The following TBC1D30 variants were observed in gnomAD, a reference collection of about 807,000 sequenced individuals.
TBC1D30 encodes TBC1 domain family member 30.
A neutral mutation model predicts 63.2 loss-of-function variants in TBC1D30; 31 were observed. The ratio of observed to expected loss-of-function variants is 0.49; its 90% CI spans 0.37 to 0.66. The LOEUF (loss-of-function observed/expected upper bound fraction) is 0.66. Ranked by LOEUF, TBC1D30 falls within the 30% of genes least tolerant of loss-of-function variation. The pLI is 0.00. For missense variants in TBC1D30, 810 were observed against 953.6 expected (o/e 0.85, Z 1.98); for synonymous variants, 307 against 361.5 (o/e 0.85, Z 1.71).
At chr12:64,864,918 T>C in intron 9 of TBC1D30, 138 bp downstream of exon 9, 1 of 642,240 alleles carries the variant, frequency 1.6e-6, no homozygotes, top group East Asian at 2.8e-5. Flanking sequence ...CCTTTCCAAA[T>C]GGTTTTGATT....
At chr12:64,797,124 C>T (rs1378977935) in intron 2 of TBC1D30, among the ~76,000 whole-genome samples, 1 of 151,336 alleles carries the variant, frequency 6.6e-6, no homozygotes, top group East Asian at 1.9e-4. Flanking sequence ...GCTATTAATG[C>T]CTGGCTCCCC....
intron 1 of TBC1D30, among the ~76,000 whole-genome samples, chr12:64,825,855 C>CT: frequency 6.6e-6 from 1 of 152,180 alleles, no homozygotes; most frequent in Non-Finnish European, 1.5e-5. Context: ...GTGGCACCGG[C>CT]TGCGTTCCAG....
intron 8 of TBC1D30, among the ~76,000 whole-genome samples, chr12:64,846,283 T>A (rs1055331811): frequency 5.3e-5 from 8 of 152,244 alleles, no homozygotes; most frequent in Non-Finnish European, 2.9e-5. Context: ...CCCACTCCAA[T>A]GTTTTGTAGA....
chr12:64,823,111 CTTAA>C (rs975282308), upstream of TBC1D30, among the ~76,000 whole-genome samples: 5 of 151,952 alleles, frequency 3.3e-5, no homozygotes, highest in South Asian at 2.1e-4. Flanking sequence ...TTAAAGAAAA[CTTAA>C]TTACTTTGGT....
At chr12:64,799,801 G>A (rs893276870) in intron 2 of TBC1D30, among the ~76,000 whole-genome samples, 6 of 152,180 alleles carry the variant, frequency 3.9e-5, no homozygotes, top group African/African-American at 1.4e-4. Flanking sequence ...ACATGGGGAA[G>A]TGCGATTAGA....
chr12:64,843,646 C>T (rs530736150), intron 8 of TBC1D30, among the ~76,000 whole-genome samples, 161 bp downstream of exon 8: 3 of 152,230 alleles, frequency 2.0e-5, no homozygotes, highest in Admixed American at 2.0e-4. Context: ...GAATCTATGT[C>T]ATAGAAGGAA....
At position 64,847,334 on chromosome 12, in the gene TBC1D30, A is replaced by G. The variant is rs184557501; in HGVS notation, c.1038+3849A>G. On this transcript the variant is annotated intron_variant, in intron 8 of 11. Transcript: ENST00000539867. Reference sequence around the variant, plus strand: ...TTTATATATCTTTTCAAAAAAACCAACTTTTCATTTCTTTAATCTTTTGTA... The same window carrying G: ...TTTATATATCTTTTCAAAAAAACCAGCTTTTCATTTCTTTAATCTTTTGTA... 1.8e-3 allele frequency among the ~76,000 whole-genome samples: 274 copies of G among 151,718 alleles called. 1 individual carries two copies. Among genetic ancestry groups the G allele is most frequent in the African/African-American group, 6.5e-3 (269 of 41,426 alleles).
In TBC1D30 at chr12:64,878,165, A is replaced by C; in HGVS notation, c.*2377A>C. The C allele has an allele frequency of 9.7e-6, 2 of 206,610 alleles. No individual in the cohort carries two copies. Among genetic ancestry groups the C allele is most frequent in the East Asian group, 2.2e-4 (2 of 8,948 alleles). The allele number at this position is 206,610 out of a possible 1,614,324, so 12.8% of individuals were successfully genotyped here. A position where few individuals can be genotyped will look rare whatever the true frequency, so the allele number is the denominator to read the frequency against. On this transcript the variant is annotated 3_prime_UTR_variant, in exon 12 of 12. Transcript: ENST00000539867. Reference sequence around the variant, plus strand: ...AAAATGGCCTTGTCAGAATTTTGAAAATCCAACAGATTCCTATTAAAGCAC... The same window carrying C: ...AAAATGGCCTTGTCAGAATTTTGAACATCCAACAGATTCCTATTAAAGCAC...
At chr12:64,793,725 C>T (rs1271272817) in intron 2 of TBC1D30, among the ~76,000 whole-genome samples, 1 of 152,100 alleles carries the variant, frequency 6.6e-6, no homozygotes, top group Non-Finnish European at 1.5e-5. Context: ...TTCTCCTGGG[C>T]ATTCTGTCCT....
chr12:64,806,759 A>G (rs898296418), intron 2 of TBC1D30, among the ~76,000 whole-genome samples: 2 of 152,222 alleles, frequency 1.3e-5, no homozygotes, highest in African/African-American at 4.8e-5. Context: ...ACAATAGCCA[A>G]AAGGTGGAAG....
At chr12:64,804,607 A>G (rs1325626915) in intron 2 of TBC1D30, among the ~76,000 whole-genome samples, 1 of 152,188 alleles carries the variant, frequency 6.6e-6, no homozygotes, top group Admixed American at 6.5e-5. Flanking sequence ...CCCATTCAGT[A>G]TGATATTGGC....
chr12:64,787,213 A>T (rs1343164126), intron 2 of TBC1D30: 2 of 200,032 alleles, frequency 1.0e-5, no homozygotes, highest in East Asian at 3.7e-4. Flanking sequence ...TTAATCAATT[A>T]AAAATAAATT....
At chr12:64,866,619 T>C (rs756714659) in intron 9 of TBC1D30, 145 bp from the exon 10 acceptor site, 1 of 791,916 alleles carries the variant, frequency 1.3e-6, no homozygotes, top group Non-Finnish European at 1.9e-6. Context: ...TATATATTTT[T>C]AGCAGAGATG....
At chr12:64,822,463 G>A (rs1367375047), upstream of TBC1D30, among the ~76,000 whole-genome samples, 1 of 151,858 alleles carries the variant, frequency 6.6e-6, no homozygotes, top group Non-Finnish European at 1.5e-5. Context: ...TTACAGACCT[G>A]AGCCACAGCA....
chr12:64,772,543 C>T (rs1592526584), intron 1 of TBC1D30, among the ~76,000 whole-genome samples: 1 of 152,164 alleles, frequency 6.6e-6, no homozygotes, highest in East Asian at 2.0e-4. Flanking sequence ...AATTCTTCTG[C>T]CTCAGCTTCC....
At chr12:64,819,178 G>A (rs1873734224) in intron 2 of TBC1D30, among the ~76,000 whole-genome samples, 2 of 152,112 alleles carry the variant, frequency 1.3e-5, no homozygotes, top group Non-Finnish European at 2.9e-5. Flanking sequence ...TTGTCTTAAA[G>A]GATGCCTGTA....
intron 8 of TBC1D30, among the ~76,000 whole-genome samples, chr12:64,845,008 C>T (rs866538849): frequency 9.9e-5 from 15 of 152,052 alleles, no homozygotes; most frequent in African/African-American, 1.9e-4. Context: ...TTTCTTTATC[C>T]GTTCATTGGT....
intron 2 of TBC1D30, among the ~76,000 whole-genome samples, chr12:64,799,060 G>A (rs1029812864): frequency 2.6e-5 from 4 of 151,886 alleles, no homozygotes; most frequent in Non-Finnish European, 2.9e-5. Context: ...TGACCTGCCC[G>A]CCTCGGCCTC....
intron 7 of TBC1D30, among the ~76,000 whole-genome samples, chr12:64,842,952 C>T (rs1418566561): frequency 6.6e-6 from 1 of 152,118 alleles, no homozygotes; most frequent in Non-Finnish European, 1.5e-5. Context: ...TTACAAATAT[C>T]AGGATTTTGA....
Sources: gnomAD v4.1 joint callset for allele counts (sites outside exome capture counted in the v4.1 genomes callset) on GRCh38, gnomAD v4.1.1 for gene constraint, MANE v1.5 for transcripts, NCBI Gene and HGNC (gene_info 2026-07-23, HGNC 2026-07-21) for gene names.